Variants in KCNU1 observed in about 807,000 individuals in gnomAD.
KCNU1 encodes the protein potassium calcium-activated channel subfamily U member 1.
KCNU1 carries 93 observed loss-of-function variants against 126.8 expected under a neutral mutation model. The ratio of observed to expected loss-of-function variants is 0.73; its 90% CI spans 0.62 to 0.87. KCNU1 has a LOEUF of 0.87. Among genes scored for constraint, KCNU1 ranks in the 40% least tolerant of loss-of-function variants. KCNU1 has a pLI of 0.00. For missense variants in KCNU1, 1,330 were observed against 1,367.1 expected (o/e 0.97, Z 0.43); for synonymous variants, 523 against 494.2 (o/e 1.06, Z -0.77).
chr8:36,911,241 C>T (rs1235363387), intron 22 of KCNU1, 122 bp downstream of exon 22: 3 of 676,258 alleles, frequency 4.4e-6, no homozygotes, highest in Non-Finnish European at 4.7e-6. Flanking sequence ...CCTCTGAGGT[C>T]CCTTCCAATC....
chr8:36,876,241 A>T (rs1028783697), intron 19 of KCNU1, among the ~76,000 whole-genome samples: 1 of 152,194 alleles, frequency 6.6e-6, no homozygotes, highest in African/African-American at 2.4e-5. Flanking sequence ...ACCCACTGGC[A>T]TAAGGCTTTG....
At chr8:36,817,839 C>G (rs1210479426) in intron 10 of KCNU1, 79 bp downstream of exon 10, 2 of 694,628 alleles carry the variant, frequency 2.9e-6, no homozygotes, top group Non-Finnish European at 5.1e-6. Context: ...AAGAAAATTA[C>G]CTTCACAATA....
intron 24 of KCNU1, chr8:36,929,100 A>T: frequency 1.5e-6 from 1 of 667,092 alleles, no homozygotes. Context: ...AAAAACAATC[A>T]GCCAGACACA....
chr8:36,918,494 G>A (rs893806370), intron 22 of KCNU1, among the ~76,000 whole-genome samples: 9 of 151,682 alleles, frequency 5.9e-5, no homozygotes, highest in African/African-American at 1.9e-4. Context: ...GTTGGAGCCT[G>A]CAGTGAGCTC....
intron 16 of KCNU1, among the ~76,000 whole-genome samples, chr8:36,843,778 G>C (rs921742616): frequency 6.6e-6 from 1 of 152,156 alleles, no homozygotes; most frequent in African/African-American, 2.4e-5. Context: ...GAGATCCTAC[G>C]ACTTGCAAAA....
chr8:36,867,416 T>C (rs1805950415), intron 19 of KCNU1, among the ~76,000 whole-genome samples: 1 of 152,178 alleles, frequency 6.6e-6, no homozygotes, highest in Admixed American at 6.6e-5. Context: ...TGGGAAAGTC[T>C]CAAATTTATC....
chr8:36,908,642 C>A (rs1380225825), intron 20 of KCNU1, among the ~76,000 whole-genome samples: 1 of 151,406 alleles, frequency 6.6e-6, no homozygotes, highest in Non-Finnish European at 1.5e-5. Context: ...AATGAGAACA[C>A]TTGGACACAG....
rs761489310 is a variant in KCNU1, at chr8:36,845,623, A to G, written c.1747A>G (p.Asn583Asp). 6.2e-7 allele frequency: 1 copy of G among 1,611,542 alleles called. No homozygotes were observed. Among genetic ancestry groups the G allele is most frequent in the Admixed American group, 1.7e-5 (1 of 60,006 alleles). Reference sequence around the variant, plus strand: ...ACCTCCACAAGTGAGGATACGTAAGAACACATTAGGGTTCTTTATTGCTGA... The same window carrying G: ...ACCTCCACAAGTGAGGATACGTAAGGACACATTAGGGTTCTTTATTGCTGA... Reference protein sequence around the residue: ...NPPPQVRIRKNTLGFFIAETP... With the variant: ...NPPPQVRIRKDTLGFFIAETP... Residue 583 changes from asparagine (N) to aspartate (D), a missense_variant, in exon 17 of 27, where the codon AAC (asparagine) becomes GAC (aspartate). By Grantham distance (23) the Asn-to-Asp change is conservative (BLOSUM62 1). Transcript: ENST00000399881.
At chr8:36,911,210 G>GC (rs1807861765) in intron 22 of KCNU1, 91 bp downstream of exon 22, 1 of 1,072,486 alleles carries the variant, frequency 9.3e-7, no homozygotes, top group South Asian at 1.7e-5. Flanking sequence ...ATTATGGGGA[G>GC]CAGGAGGGTG....
At position 36,787,372 on chromosome 8, in the gene KCNU1, C is replaced by A; in HGVS notation, c.262C>A (p.Arg88Ser). 3 of 1,612,556 alleles carry A rather than the reference C, an allele frequency of 1.9e-6. No individual in the cohort carries two copies. The highest frequency in any genetic ancestry group is 2.5e-6 in the Non-Finnish European group (3 of 1,179,078). ...VRSLHFQGQF[R>S]DHIEMLLSAQ... ...AAGCCTCCACTTCCAGGGACAATTT[C>A]GTGATCATATAGAAATGTTGCTTTC... Residue 88 changes from arginine (R) to serine (S), a missense_variant, in exon 2 of 27, where the codon CGT (arginine) becomes AGT (serine). Coordinates refer to ENST00000399881, the MANE Select transcript of KCNU1 (RefSeq NM_001031836.3).
intron 4 of KCNU1, among the ~76,000 whole-genome samples, chr8:36,806,040 C>G (rs188037803): frequency 6.6e-6 from 1 of 152,010 alleles, no homozygotes; most frequent in Non-Finnish European, 1.5e-5. Flanking sequence ...GATGGGGTTT[C>G]GCCATATTGG....
At chr8:36,897,649 A>T (rs963224386) in intron 19 of KCNU1, among the ~76,000 whole-genome samples, 1 of 152,016 alleles carries the variant, frequency 6.6e-6, no homozygotes, top group African/African-American at 2.4e-5. Flanking sequence ...CACAGGAAAC[A>T]TCTAAGCATG....
At chr8:36,862,205 T>G (rs1231022399) in intron 18 of KCNU1, among the ~76,000 whole-genome samples, 1 of 151,962 alleles carries the variant, frequency 6.6e-6, no homozygotes, top group African/African-American at 2.4e-5. Context: ...AGATAGATAA[T>G]AGATAGATAG....
intron 19 of KCNU1, among the ~76,000 whole-genome samples, chr8:36,879,085 T>C (rs1806372804): frequency 6.8e-6 from 1 of 147,604 alleles, no homozygotes; most frequent in Admixed American, 6.8e-5. Context: ...CCGTAAAAGA[T>C]TGGTTTATGG....
In KCNU1 at chr8:36,909,314, C is replaced by G; in HGVS notation, c.2110C>G (p.Arg704Gly). ...PTSLDKVTLK[R>G]TGKSKYKFRN... ...ACTGTGGCATCCTTATCCTTAGAAA[C>G]GAACTGGCAAGTCAAAGTATAAGTT... Residue 704 changes from arginine to glycine, a missense_variant, in exon 21 of 27, where the codon CGA becomes GGA. By Grantham distance (125) the Arg-to-Gly change is moderately radical (BLOSUM62 -2). Coordinates refer to ENST00000399881, the MANE Select transcript of KCNU1 (RefSeq NM_001031836.3). 1.2e-6 allele frequency: 2 copies of G among 1,607,912 alleles called. No individual in the cohort carries two copies. The highest frequency in any genetic ancestry group is 4.5e-5 in the East Asian group (2 of 44,850).
At chr8:36,862,154 T>A (rs1036168035) in intron 18 of KCNU1, among the ~76,000 whole-genome samples, 4 of 152,102 alleles carry the variant, frequency 2.6e-5, no homozygotes, top group African/African-American at 9.7e-5. Context: ...TAAAATAGAT[T>A]TAAAATAGTT....
chr8:36,922,338 A>G (rs542344648), intron 23 of KCNU1, among the ~76,000 whole-genome samples, 152 bp from the exon 24 acceptor site: 2 of 152,272 alleles, frequency 1.3e-5, no homozygotes, highest in African/African-American at 4.8e-5. Context: ...AAGAAAAAAA[A>G]AATGTACTGA....
chr8:36,806,500 C>T (rs934809572), intron 5 of KCNU1, 120 bp downstream of exon 5: 9 of 624,680 alleles, frequency 1.4e-5, no homozygotes, highest in African/African-American at 1.3e-4. Flanking sequence ...AAAAACCTCT[C>T]ACCTTAATAG....
At chr8:36,889,255 A>G (rs766500217) in intron 19 of KCNU1, 1 of 534,184 alleles carries the variant, frequency 1.9e-6, no homozygotes. Context: ...AAGGATGGTC[A>G]GTATGACCCC....
Sources: gnomAD v4.1 joint callset for allele counts (sites outside exome capture counted in the v4.1 genomes callset) on GRCh38, gnomAD v4.1.1 for gene constraint, MANE v1.5 for transcripts, NCBI Gene and HGNC (gene_info 2026-07-23, HGNC 2026-07-21) for gene names.